The following VWC2L variants were observed in gnomAD, a reference collection of about 807,000 sequenced individuals.
The protein encoded by VWC2L is von Willebrand factor C domain containing 2 like, also known as von Willebrand factor C domain-containing protein 2-like.
In VWC2L, 10 loss-of-function variants were observed where a neutral mutation model predicts 21.6. The ratio of observed to expected loss-of-function variants is 0.46; its 90% CI spans 0.29 to 0.78. The LOEUF (loss-of-function observed/expected upper bound fraction) is 0.78, where lower values mean the gene tolerates loss of function less well. Ranked by LOEUF, VWC2L falls within the 30% of genes least tolerant of loss-of-function variation. VWC2L has a pLI of 0.10. For missense variants in VWC2L, 209 were observed against 277.1 expected, an observed-to-expected ratio of 0.75 and a Z score of 1.74; for synonymous variants, 96 against 94.3, an observed-to-expected ratio of 1.02 and a Z score of -0.10.
chr2:214,481,975 C>T (rs77470080), intron 3 of VWC2L, among the ~76,000 whole-genome samples: 311 of 152,200 alleles, frequency 2.0e-3, no homozygotes, highest in African/African-American at 7.2e-3. Context: ...ATGCAATTAA[C>T]GGAGAAAATA....
rs1320562248 is a variant in VWC2L, at chr2:214,414,301, G to C, written c.108G>C (p.Gln36His). 2 of 1,613,872 alleles carry C rather than the reference G, an allele frequency of 1.2e-6. No individual in the cohort carries two copies. The highest frequency in any genetic ancestry group is 1.1e-5 in the South Asian group (1 of 91,078). Reference sequence around the variant, plus strand: ...ACTATCCTGCTGATGAAGGTGACCAGATCTCCAGTAATGACAATCTGATCT... The same window carrying C: ...ACTATCCTGCTGATGAAGGTGACCACATCTCCAGTAATGACAATCTGATCT... Reference protein sequence around the residue: ...HEDYPADEGDQISSNDNLIFD... With the variant: ...HEDYPADEGDHISSNDNLIFD... The change falls in exon 2 of 4, where the codon CAG becomes CAC. Residue 36 changes from glutamine to histidine, a missense_variant. Gln to His is a conservative substitution (Grantham distance 24). Coordinates refer to ENST00000312504, the MANE Select transcript of VWC2L (RefSeq NM_001080500.4).
intron 3 of VWC2L, among the ~76,000 whole-genome samples, chr2:214,553,927 A>G (rs1689835633): frequency 6.6e-6 from 1 of 152,160 alleles, no homozygotes; most frequent in Non-Finnish European, 1.5e-5. Context: ...GAACCTGGCC[A>G]CAGCCTCTCC....
intron 3 of VWC2L, among the ~76,000 whole-genome samples, chr2:214,492,818 C>T (rs544964932): frequency 6.6e-6 from 1 of 152,242 alleles, no homozygotes; most frequent in South Asian, 2.1e-4. Flanking sequence ...ATGTCAGAGG[C>T]TTACAACAAA....
In VWC2L at chr2:214,541,468, T is replaced by C. The variant is rs1371041169; in HGVS notation, c.521-34204T>C. Among the ~76,000 whole-genome samples, 3 of 152,310 alleles carry C rather than the reference T, an allele frequency of 2.0e-5. No homozygotes were observed. In the South Asian group the frequency reaches 6.2e-4, roughly 32 times the overall value. On this transcript the variant is annotated intron_variant, in intron 3 of 3. Coordinates refer to ENST00000312504, the MANE Select transcript of VWC2L (RefSeq NM_001080500.4). ...GATTAGCATGCTTCTGGGCATAGAA[T>C]AGGAACTCAAACATTTGTCAAAGAA...
chr2:214,497,528 T>A (rs2126204118), intron 3 of VWC2L, among the ~76,000 whole-genome samples: 1 of 152,308 alleles, frequency 6.6e-6, no homozygotes, highest in Non-Finnish European at 1.5e-5. Context: ...AGTATGGAAT[T>A]TTTCTTTGTT....
At chr2:214,500,139 C>A (rs139955098) in intron 3 of VWC2L, among the ~76,000 whole-genome samples, 1 of 152,194 alleles carries the variant, frequency 6.6e-6, no homozygotes, top group East Asian at 1.9e-4. Context: ...CATATACACA[C>A]ATAAGAAACC....
chr2:214,499,221 T>C (rs2126205054), intron 3 of VWC2L, among the ~76,000 whole-genome samples: 1 of 151,946 alleles, frequency 6.6e-6, no homozygotes, highest in South Asian at 2.1e-4. Context: ...TGTTTCACCA[T>C]CTTGGCCAGG....
chr2:214,552,303 AAGTCCT>A, intron 3 of VWC2L, among the ~76,000 whole-genome samples: 1 of 152,256 alleles, frequency 6.6e-6, no homozygotes, highest in East Asian at 1.9e-4. Flanking sequence ...CCAAACCAGT[AAGTCCT>A]ACCTCTGGTT....
At chr2:214,490,442 G>C (rs1348369199) in intron 3 of VWC2L, among the ~76,000 whole-genome samples, 1 of 151,962 alleles carries the variant, frequency 6.6e-6, no homozygotes, top group East Asian at 1.9e-4. Context: ...CAGGAGCTTA[G>C]CTGCTCAAAG....
At chr2:214,483,435 A>G (rs1688633786) in intron 3 of VWC2L, among the ~76,000 whole-genome samples, 1 of 152,062 alleles carries the variant, frequency 6.6e-6, no homozygotes, top group Non-Finnish European at 1.5e-5. Context: ...AAGGAATTTC[A>G]AAGATTTTGA....
intron 3 of VWC2L, among the ~76,000 whole-genome samples, chr2:214,532,210 T>C (rs1193080746): frequency 1.3e-5 from 2 of 152,088 alleles, no homozygotes; most frequent in East Asian, 1.9e-4. Context: ...ATATTAATAG[T>C]AGGGAAGCAA....
intron 3 of VWC2L, among the ~76,000 whole-genome samples, chr2:214,519,134 G>T (rs1308654460): frequency 6.6e-6 from 1 of 152,180 alleles, no homozygotes; most frequent in African/African-American, 2.4e-5. Flanking sequence ...TGCGATTGAG[G>T]AATAAAAGGA....
chr2:214,565,633 A>C (rs1179625050), intron 3 of VWC2L, among the ~76,000 whole-genome samples: 1 of 152,158 alleles, frequency 6.6e-6, no homozygotes, highest in Non-Finnish European at 1.5e-5. Context: ...ATGTCTTGAC[A>C]TTTTTTTAAT....
rs1381496024 is a variant in VWC2L at position 214,508,049 on chromosome 2, T to A, written c.521-67623T>A. 2.6e-5 allele frequency among the ~76,000 whole-genome samples: 4 copies of A among 152,162 alleles called. No individual in the cohort carries two copies. In the East Asian group the frequency reaches 7.7e-4, roughly 29 times the overall value. On this transcript the variant is annotated intron_variant, in intron 3 of 3. Coordinates refer to ENST00000312504, the MANE Select transcript of VWC2L (RefSeq NM_001080500.4). ...TGGAGTGCAGTGGCGTGATCTCGGC[T>A]CACTGCAAGCTCCGCCTACCGGGTT...
intron 3 of VWC2L, among the ~76,000 whole-genome samples, chr2:214,515,815 A>G (rs1380651003): frequency 6.6e-6 from 1 of 152,170 alleles, no homozygotes; most frequent in Non-Finnish European, 1.5e-5. Flanking sequence ...TCGGCCTCCC[A>G]AAGTGCTGGG....
chr2:214,470,966 A>C (rs1703300157), intron 3 of VWC2L, among the ~76,000 whole-genome samples: 1 of 149,556 alleles, frequency 6.7e-6, no homozygotes, highest in African/African-American at 2.5e-5. Flanking sequence ...CGTAATGGGC[A>C]TATTAAGACT....
intron 3 of VWC2L, among the ~76,000 whole-genome samples, chr2:214,557,767 C>T (rs965458889): frequency 6.6e-6 from 1 of 152,120 alleles, no homozygotes; most frequent in East Asian, 1.9e-4. Context: ...TAGAAGAGGG[C>T]CCTCACGTCC....
intron 3 of VWC2L, among the ~76,000 whole-genome samples, chr2:214,517,459 C>T (rs114836269): frequency 1.9e-4 from 29 of 152,266 alleles, no homozygotes; most frequent in Admixed American, 1.4e-3. Flanking sequence ...ACTCATATTG[C>T]CCAAGCCACA....
chr2:214,416,150 A>G (rs576521863), intron 2 of VWC2L, among the ~76,000 whole-genome samples: 1 of 152,206 alleles, frequency 6.6e-6, no homozygotes, highest in African/African-American at 2.4e-5. Flanking sequence ...AAATAAAAAC[A>G]TAAGTTTCTG....
Sources: gnomAD v4.1 joint callset for allele counts (sites outside exome capture counted in the v4.1 genomes callset) on GRCh38, gnomAD v4.1.1 for gene constraint, MANE v1.5 for transcripts, NCBI Gene and HGNC (gene_info 2026-07-23, HGNC 2026-07-21) for gene names.